CDH23: variants seen among roughly 807,000 people sequenced by gnomAD.
CDH23 encodes cadherin-23.
In CDH23, 189 loss-of-function variants were observed where a neutral mutation model predicts 317.1. That is an observed-to-expected ratio of 0.60 (90% CI 0.53 to 0.67). The LOEUF (loss-of-function observed/expected upper bound fraction) is 0.67. Among genes scored for constraint, CDH23 ranks in the 30% least tolerant of loss-of-function variants. The pLI is 0.00. For synonymous variants in CDH23, 1,839 were observed against 1,876.8 expected, an observed-to-expected ratio of 0.98 and a Z score of 0.52; for missense variants, 4,401 against 4,592.4, an observed-to-expected ratio of 0.96 and a Z score of 1.20.
chr10:71,456,788 G>A (rs1026734587), intron 3 of CDH23, among the ~76,000 whole-genome samples: 9 of 152,354 alleles, frequency 5.9e-5, no homozygotes, highest in Middle Eastern at 3.4e-3. Flanking sequence ...AAAAAAGTGA[G>A]TCTTATAACC....
chr10:71,781,827 C>T (rs995582189), intron 41 of CDH23, among the ~76,000 whole-genome samples: 1 of 152,172 alleles, frequency 6.6e-6, no homozygotes, highest in Non-Finnish European at 1.5e-5. Flanking sequence ...CTGAGCGCCA[C>T]CCGCATCTCA....
At chr10:71,670,933 G>A (rs1185562957) in intron 14 of CDH23, among the ~76,000 whole-genome samples, 2 of 151,612 alleles carry the variant, frequency 1.3e-5, no homozygotes, top group East Asian at 3.9e-4. Flanking sequence ...CACAGTTGAG[G>A]TGCTCACCTG....
intron 38 of CDH23, chr10:71,760,807 G>T: frequency 6.6e-7 from 1 of 1,520,938 alleles, no homozygotes; most frequent in Non-Finnish European, 9.1e-7. Flanking sequence ...CAGGGTCTGG[G>T]TGCAGGATGA....
rs1244650129 is a variant in CDH23, at chr10:71,446,392, G to T, written c.142G>T (p.Val48Leu). Residue 48 changes from valine to leucine, a missense_variant, in exon 3 of 70, where the codon GTG becomes TTG. Coordinates refer to ENST00000224721, the MANE Select transcript of CDH23 (RefSeq NM_022124.6). ...CCTGCTGATCAGCGAGGACACGCCT[G>T]TGGGTGAGTGGGGGCATGGGCTGGT... ...TYLLISEDTP[V>L]GSSVTQLLAQ... The T allele has an allele frequency of 6.2e-7, 1 of 1,614,022 alleles. No individual in the cohort carries two copies. The highest frequency in any genetic ancestry group is 1.7e-4 in the Middle Eastern group (1 of 6,056).
chr10:71,558,978 T>G (rs765511908), intron 6 of CDH23, among the ~76,000 whole-genome samples: 3 of 152,138 alleles, frequency 2.0e-5, no homozygotes, highest in African/African-American at 4.8e-5. Flanking sequence ...ACTCAGACCC[T>G]CTAGAAAGTA....
At chr10:71,697,840 A>G (rs968506453) in intron 22 of CDH23, among the ~76,000 whole-genome samples, 2 of 152,200 alleles carry the variant, frequency 1.3e-5, no homozygotes, top group African/African-American at 4.8e-5. Context: ...AGTCAGCCGC[A>G]TCATCCCTAT....
At chr10:71,604,481 C>T (rs1356372315) in intron 9 of CDH23, among the ~76,000 whole-genome samples, 2 of 152,170 alleles carry the variant, frequency 1.3e-5, no homozygotes, top group Non-Finnish European at 2.9e-5. Context: ...TCCATGCCCT[C>T]GTCACCAGCA....
chr10:71,706,845 G>C (rs941994656), intron 25 of CDH23, 52 bp from the exon 26 acceptor site: 2 of 1,543,022 alleles, frequency 1.3e-6, no homozygotes, highest in Non-Finnish European at 1.8e-6. Flanking sequence ...CTGGAGCTGG[G>C]TCTTCTGCGG....
chr10:71,706,040 G>T lies in CDH23; in HGVS notation c.2954-857G>T, dbSNP rs545906374. ...CAGTTTCAGGACCCCCTTATTGGCC[G>T]ATGATGGACAGGGAATATGTCCCAG... On this transcript the variant is annotated intron_variant, in intron 25 of 69. Coordinates refer to ENST00000224721, the MANE Select transcript of CDH23 (RefSeq NM_022124.6). Among the ~76,000 whole-genome samples, 10 of 152,270 alleles carry T rather than the reference G, an allele frequency of 6.6e-5. No homozygotes were observed. In the East Asian group the frequency reaches 1.7e-3, roughly 26 times the overall value.
chr10:71,741,838 C>G lies in CDH23; in HGVS notation c.4762C>G (p.Arg1588Gly). The G allele has an allele frequency of 1.2e-6, 2 of 1,610,758 alleles. No homozygotes were observed. The highest frequency in any genetic ancestry group is 1.7e-6 in the Non-Finnish European group (2 of 1,178,614). Residue 1588 changes from arginine to glycine, a missense_variant, in exon 38 of 70, where the codon CGG becomes GGG. Transcript: ENST00000224721. ...CCGCATCAGCGGTGAGATCGCCACA[C>G]GGCCTGCCCCGCCTGACCGCGAGCG... ...MDRISGEIAT[R>G]PAPPDRERQS...
intron 3 of CDH23, among the ~76,000 whole-genome samples, chr10:71,507,475 T>TG (rs1274653631): frequency 6.6e-6 from 1 of 152,182 alleles, no homozygotes; most frequent in East Asian, 1.9e-4. Flanking sequence ...GCAGATCACT[T>TG]GGGGTCAGGA....
intron 1 of CDH23, among the ~76,000 whole-genome samples, chr10:71,425,577 G>A (rs549476065): frequency 6.6e-6 from 1 of 152,302 alleles, no homozygotes; most frequent in Non-Finnish European, 1.5e-5. Flanking sequence ...TGGGGGTTTG[G>A]AGCTCCTGTG....
rs564630791 is a variant in CDH23, at chr10:71,481,658, G to A, written c.146-28424G>A. Among the ~76,000 whole-genome samples the A allele has an allele frequency of 1.4e-4, 21 of 152,326 alleles. No homozygotes were observed. The South Asian group carries it at 4.1e-3, about 30-fold the overall frequency. ...GGTCCAGGTAGGAAAGCTTTTAAGT[G>A]CTGGAAGCTGGGAAATTACTGGACG... On this transcript the variant is annotated intron_variant, in intron 3 of 69. Transcript: ENST00000224721.
Position 71,397,289 on chromosome 10 carries a change from AGGCGC to A in CDH23, c.-29_-25del. 5.9e-6 allele frequency: 1 copy of A among 170,534 alleles called. No individual in the cohort carries two copies. The highest frequency in any genetic ancestry group is 1.0e-3 in the Middle Eastern group (1 of 974). The allele number at this position is 170,534 out of a possible 1,614,324, so 10.6% of individuals were successfully genotyped here. A position where few individuals can be genotyped will look rare whatever the true frequency, so the allele number is the denominator to read the frequency against. ...GGAGAGCAGAGCCCGAGGCGAGGCG[AGGCGC>A]GGCGCCGCTGCACACACGCACACGG... On this transcript the variant is annotated 5_prime_UTR_variant, in exon 1 of 70. Transcript: ENST00000224721. This position sits in a 1 kb window ranked among gnomAD's most constrained non-coding sequence, Gnocchi z 4.8.
intron 66 of CDH23, 151 bp downstream of exon 66, chr10:71,812,166 C>G: frequency 6.3e-7 from 1 of 1,578,508 alleles, no homozygotes; most frequent in Non-Finnish European, 8.6e-7. Flanking sequence ...CACCCTCCCT[C>G]CACCCTCAGA....
At chr10:71,533,012 G>A (rs187334684) in intron 6 of CDH23, among the ~76,000 whole-genome samples, 92 of 152,260 alleles carry the variant, frequency 6.0e-4, no homozygotes, top group Middle Eastern at 3.4e-3. Flanking sequence ...GATTACAGGC[G>A]TGAGCCACTG....
chr10:71,735,764 C>T (rs1839545240), intron 34 of CDH23, among the ~76,000 whole-genome samples: 1 of 152,238 alleles, frequency 6.6e-6, no homozygotes. Context: ...GTGGCTGGGC[C>T]ATACCTAAAG....
chr10:71,479,271 G>T (rs887461706), intron 3 of CDH23, among the ~76,000 whole-genome samples: 16 of 152,188 alleles, frequency 1.1e-4, no homozygotes, highest in African/African-American at 3.6e-4. Flanking sequence ...GGGAGCGAAG[G>T]CAGAGCTAAC....
intron 3 of CDH23, among the ~76,000 whole-genome samples, chr10:71,485,023 C>CTTTTTT (rs56153129): frequency 8.4e-4 from 93 of 110,060 alleles, no homozygotes; most frequent in African/African-American, 9.7e-4. Flanking sequence ...TTTCTTTTTT[C>CTTTTTT]TTTTTTTTTT....
Sources: gnomAD v4.1 joint callset for allele counts (sites outside exome capture counted in the v4.1 genomes callset) on GRCh38, gnomAD v4.1.1 for gene constraint, Gnocchi (gnomAD v3.1) non-coding constraint, MANE v1.5 for transcripts, NCBI Gene and HGNC (gene_info 2026-07-23, HGNC 2026-07-21) for gene names.